The following GMDS variants were observed in gnomAD, a reference collection of about 807,000 sequenced individuals.
The protein encoded by GMDS is GDP-mannose 4,6 dehydratase.
GMDS carries 20 observed loss-of-function variants against 49.9 expected under a neutral mutation model. The ratio of observed to expected loss-of-function variants is 0.40; its 90% CI spans 0.28 to 0.58. The LOEUF (loss-of-function observed/expected upper bound fraction) is 0.58, where lower values mean the gene tolerates loss of function less well. Ranked by LOEUF, GMDS falls within the 20% of genes least tolerant of loss-of-function variation. GMDS has a pLI of 0.42. For missense variants in GMDS, 362 were observed against 481.4 expected, an observed-to-expected ratio of 0.75 and a Z score of 2.32; for synonymous variants, 177 against 178.6, an observed-to-expected ratio of 0.99 and a Z score of 0.07.
rs1030205660 is a variant in GMDS at position 2,191,543 on chromosome 6, G to C, written c.102+53778C>G. ...GGAAGGCCCCCGCCTTGCCCTTGCA[G>C]GCTCGGAGGTGCCTACCTCCACTGT... On this transcript the variant is annotated intron_variant, in intron 1 of 10. Coordinates refer to ENST00000380815, the MANE Select transcript of GMDS (RefSeq NM_001500.4). The surrounding 1 kb of genome is among the most constrained non-coding windows in gnomAD (Gnocchi z 4.6). Among the ~76,000 whole-genome samples the C allele has an allele frequency of 5.3e-5, 8 of 152,234 alleles. No individual in the cohort carries two copies. The highest frequency in any genetic ancestry group is 1.9e-4 in the African/African-American group (8 of 41,462).
intron 4 of GMDS, among the ~76,000 whole-genome samples, chr6:1,991,372 C>T (rs1765927315): frequency 6.6e-6 from 1 of 152,146 alleles, no homozygotes; most frequent in Admixed American, 6.5e-5. Flanking sequence ...ACCTGGCCTA[C>T]TCCCCACATC....
intron 4 of GMDS, among the ~76,000 whole-genome samples, chr6:2,110,857 C>T (rs9378323): frequency 0.61 from 93,058 of 152,032 alleles, 29,033 homozygotes; most frequent in African/African-American, 0.73. Flanking sequence ...AAGAAAGACA[C>T]ACTCATGGTT....
At chr6:1,714,163 G>A (rs561769367) in intron 9 of GMDS, among the ~76,000 whole-genome samples, 8 of 151,936 alleles carry the variant, frequency 5.3e-5, no homozygotes, top group South Asian at 4.2e-4. Flanking sequence ...GACTACAGGC[G>A]CCCACCACCA....
intron 7 of GMDS, among the ~76,000 whole-genome samples, chr6:1,850,704 G>A (rs1757625822): frequency 6.6e-6 from 1 of 152,174 alleles, no homozygotes; most frequent in Non-Finnish European, 1.5e-5. Context: ...CTCCCAGCAG[G>A]GTAAGAGTTC....
chr6:2,159,506 CTTTTTTTCTTTTT>C (rs1177769935), intron 1 of GMDS, among the ~76,000 whole-genome samples: 6 of 134,946 alleles, frequency 4.4e-5, no homozygotes, highest in Non-Finnish European at 9.7e-5. Flanking sequence ...TTCAATATTT[CTTTTTTTCTTTTT>C]TTTTTTTTTT....
rs115308027 is a variant in GMDS at position 2,021,993 on chromosome 6, A to G, written c.346-61027T>C. Among the ~76,000 whole-genome samples the G allele has an allele frequency of 2.6e-3, 401 of 152,292 alleles. 3 individuals carry two copies. Among genetic ancestry groups the G allele is most frequent in the African/African-American group, 9.3e-3 (388 of 41,556 alleles). On this transcript the variant is annotated intron_variant, in intron 4 of 10. Transcript: ENST00000380815. ...ATCAAATGGCCTTTGTGTAATCCTA[A>G]TAAGCCAAAGGATGAGAAAAGCTGG... is the stretch of plus-strand genomic sequence containing the variant.
At chr6:1,847,424 A>G (rs547627443) in intron 7 of GMDS, among the ~76,000 whole-genome samples, 1 of 152,322 alleles carries the variant, frequency 6.6e-6, no homozygotes, top group East Asian at 1.9e-4. Context: ...ATAGTCATTC[A>G]TGGCAATTTT....
At chr6:2,040,749 G>A (rs778900219) in intron 4 of GMDS, among the ~76,000 whole-genome samples, 3 of 152,054 alleles carry the variant, frequency 2.0e-5, no homozygotes, top group Non-Finnish European at 4.4e-5. Context: ...CTTCTCCCCC[G>A]AAGCAGGTCA....
chr6:2,010,924 TAGAG>T (rs1375832659), intron 4 of GMDS, among the ~76,000 whole-genome samples: 2 of 152,028 alleles, frequency 1.3e-5, no homozygotes, highest in African/African-American at 4.8e-5. Flanking sequence ...TGTCTACAAA[TAGAG>T]AGAGATAAGA....
chr6:2,216,212 A>G (rs1163990193), intron 1 of GMDS, among the ~76,000 whole-genome samples: 2 of 152,250 alleles, frequency 1.3e-5, no homozygotes, highest in Non-Finnish European at 2.9e-5. Context: ...AGGGGACAAT[A>G]TATGCTACTT....
intron 1 of GMDS, among the ~76,000 whole-genome samples, chr6:2,135,036 T>C (rs560295251): frequency 2.0e-5 from 3 of 152,212 alleles, no homozygotes; most frequent in African/African-American, 4.8e-5. Flanking sequence ...TTCAAGGTCA[T>C]AGAGCTAGTT....
intron 6 of GMDS, among the ~76,000 whole-genome samples, chr6:1,951,657 A>G (rs951974337): frequency 2.1e-5 from 3 of 140,372 alleles, no homozygotes; most frequent in African/African-American, 8.2e-5. Context: ...TTAGCCTCCC[A>G]AAGTGCTGGA....
chr6:1,774,027 G>T (rs1009653221), intron 7 of GMDS, among the ~76,000 whole-genome samples: 2 of 152,138 alleles, frequency 1.3e-5, no homozygotes, highest in African/African-American at 4.8e-5. Context: ...CAAACATGAC[G>T]TACAAAAATT....
chr6:1,902,736 G>A (rs1199020108), intron 7 of GMDS, among the ~76,000 whole-genome samples: 1 of 152,138 alleles, frequency 6.6e-6, no homozygotes, highest in African/African-American at 2.4e-5. Flanking sequence ...AAATATGATT[G>A]TACATTTAAA....
Position 1,960,920 on chromosome 6 carries a change from C to CAGT in GMDS, c.391_392insACT (p.Gly131delinsAspCys). 2 of 1,597,590 alleles carry CAGT rather than the reference C, an allele frequency of 1.3e-6. No homozygotes were observed. The highest frequency in any genetic ancestry group is 1.7e-6 in the Non-Finnish European group (2 of 1,167,422). ...AACTGCATCTAGAAGTCGTAGAGTGCCAACTCCGTCAACGTCCGCAGTGTA... is the reference window on the plus strand; with the variant it reads ...AACTGCATCTAGAAGTCGTAGAGTGCAGTCAACTCCGTCAACGTCCGCAGTGTA... On this transcript the variant is annotated protein_altering_variant, in exon 5 of 11. Transcript: ENST00000380815.
At chr6:2,039,778 A>G (rs1561997669) in intron 4 of GMDS, among the ~76,000 whole-genome samples, 1 of 152,168 alleles carries the variant, frequency 6.6e-6, no homozygotes, top group Admixed American at 6.5e-5. Context: ...CCCTTTTGAA[A>G]GACCCGCCTA....
At chr6:2,059,285 TTTTAA>T (rs1270535357) in intron 4 of GMDS, among the ~76,000 whole-genome samples, 1 of 152,004 alleles carries the variant, frequency 6.6e-6, no homozygotes, top group Non-Finnish European at 1.5e-5. Flanking sequence ...ACTATTGTTT[TTTTAA>T]TTTGAGGCAT....
At chr6:2,192,769 C>T (rs181980108) in intron 1 of GMDS, among the ~76,000 whole-genome samples, 35 of 152,298 alleles carry the variant, frequency 2.3e-4, no homozygotes, top group African/African-American at 6.7e-4. Context: ...CACTCACACA[C>T]GTCTTGCCAG....
At chr6:2,182,356 G>A (rs1445797468) in intron 1 of GMDS, among the ~76,000 whole-genome samples, 3 of 152,204 alleles carry the variant, frequency 2.0e-5, no homozygotes, top group Non-Finnish European at 2.9e-5. Context: ...AGAATATCTA[G>A]CCAACATAAT....
Sources: gnomAD v4.1 joint callset for allele counts (sites outside exome capture counted in the v4.1 genomes callset) on GRCh38, gnomAD v4.1.1 for gene constraint, Gnocchi (gnomAD v3.1) non-coding constraint, MANE v1.5 for transcripts, NCBI Gene and HGNC (gene_info 2026-07-23, HGNC 2026-07-21) for gene names.